KIF13B: variants seen among roughly 807,000 people sequenced by gnomAD.
KIF13B encodes kinesin family member 13B.
A neutral mutation model predicts 222.0 loss-of-function variants in KIF13B; 127 were observed. The observed-to-expected ratio is 0.57, with a 90% CI of 0.50 to 0.66. The LOEUF (loss-of-function observed/expected upper bound fraction) is 0.66, where lower values mean the gene tolerates loss of function less well. Among genes scored for constraint, KIF13B ranks in the 30% least tolerant of loss-of-function variants. KIF13B has a pLI of 0.00. For synonymous variants in KIF13B, 976 were observed against 919.0 expected, an observed-to-expected ratio of 1.06 and a Z score of -1.12; for missense variants, 2,173 against 2,379.0, an observed-to-expected ratio of 0.91 and a Z score of 1.80.
chr8:29,197,539 C>CAT (rs1410662947), intron 2 of KIF13B, among the ~76,000 whole-genome samples: 3 of 152,088 alleles, frequency 2.0e-5, no homozygotes, highest in African/African-American at 7.2e-5. Context: ...TAAATACACA[C>CAT]ATACACATAT....
At position 29,147,426 on chromosome 8, in the gene KIF13B, C is replaced by A; in HGVS notation, c.1990G>T (p.Ala664Ser). Residue 664 changes from alanine to serine, a missense_variant, in exon 17 of 40, where the codon GCT (alanine) becomes TCT (serine). Coordinates refer to ENST00000524189, the MANE Select transcript of KIF13B (RefSeq NM_015254.4). The part of the protein sequence containing the change: ...MDRFSFHSPS[A>S]QQRLRQWAEE... ...GCCCACTGTCTTAAGCGTTGCTGAGCGCTGGGCGAGTGGAAAGAAAACCTG... is the reference window on the plus strand; with the variant it reads ...GCCCACTGTCTTAAGCGTTGCTGAGAGCTGGGCGAGTGGAAAGAAAACCTG... The A allele has an allele frequency of 1.2e-6, 2 of 1,610,116 alleles. No individual in the cohort carries two copies. The highest frequency in any genetic ancestry group is 1.7e-6 in the Non-Finnish European group (2 of 1,178,284).
intron 37 of KIF13B, among the ~76,000 whole-genome samples, chr8:29,083,960 G>A (rs1292979580): frequency 6.6e-6 from 1 of 152,168 alleles, no homozygotes; most frequent in East Asian, 1.9e-4. Context: ...TGTCACCCAG[G>A]CTGGAGTGTG....
rs1810147349 is a variant in KIF13B at position 29,127,125 on chromosome 8, G to A, written c.3219C>T (p.Phe1073=). 1 of 1,613,308 alleles carries A rather than the reference G, an allele frequency of 6.2e-7. No homozygotes were observed. The highest frequency in any genetic ancestry group is 1.3e-5 in the African/African-American group (1 of 74,892). Residue 1073 remains phenylalanine (F), a synonymous_variant, in exon 25 of 40, where the codon TTC becomes TTT. Coordinates refer to ENST00000524189, the MANE Select transcript of KIF13B (RefSeq NM_015254.4). ...PLRAPRTHET[F]HEEEEDMDSY... ...CATAACAGGTATAGAAACTTACATG[G>A]AAGGTCTCATGTGTTCTGGGGGCTC...
intron 16 of KIF13B, among the ~76,000 whole-genome samples, chr8:29,148,331 C>G (rs767306369): frequency 2.6e-5 from 4 of 151,476 alleles, no homozygotes; most frequent in Non-Finnish European, 4.4e-5. Flanking sequence ...CAGAGAATAG[C>G]AACATAAAGA....
chr8:29,143,840 C>G (rs888534433), intron 18 of KIF13B, among the ~76,000 whole-genome samples: 7 of 151,186 alleles, frequency 4.6e-5, no homozygotes. Context: ...AAGACTCTGT[C>G]TCAAAAAAAA....
At chr8:29,155,075 T>C (rs1811458654) in intron 14 of KIF13B, among the ~76,000 whole-genome samples, 1 of 152,080 alleles carries the variant, frequency 6.6e-6, no homozygotes, top group South Asian at 2.1e-4. Context: ...GTGCCATTCA[T>C]AAAATTTGGA....
chr8:29,094,581 T>G (rs1030601546), intron 36 of KIF13B, among the ~76,000 whole-genome samples: 5 of 152,210 alleles, frequency 3.3e-5, no homozygotes, highest in African/African-American at 1.2e-4. Flanking sequence ...GGGAATTAAC[T>G]GGAGTCATGT....
At chr8:29,150,766 C>T (rs924940896) in intron 14 of KIF13B, among the ~76,000 whole-genome samples, 1 of 152,244 alleles carries the variant, frequency 6.6e-6, no homozygotes, top group Non-Finnish European at 1.5e-5. Flanking sequence ...TTTGGAACAT[C>T]GTGAACTGCA....
At chr8:29,229,501 T>C (rs1198605322) in intron 2 of KIF13B, among the ~76,000 whole-genome samples, 7 of 152,224 alleles carry the variant, frequency 4.6e-5, no homozygotes, top group Admixed American at 2.6e-4. Flanking sequence ...TCTAACACAA[T>C]ATAAACAATA....
At position 29,070,668 on chromosome 8, in the gene KIF13B, G is replaced by A; in HGVS notation, c.5317C>T (p.Pro1773Ser). The A allele has an allele frequency of 6.4e-7, 1 of 1,561,488 alleles. No homozygotes were observed. Among genetic ancestry groups the A allele is most frequent in the Non-Finnish European group, 8.7e-7 (1 of 1,153,182 alleles). The change falls in exon 40 of 40, where the codon CCT becomes TCT. Residue 1773 changes from proline (P) to serine (S), a missense_variant. By Grantham distance (74) the Pro-to-Ser change is moderately conservative. Coordinates refer to ENST00000524189, the MANE Select transcript of KIF13B (RefSeq NM_015254.4). This position sits in a 1 kb window ranked among gnomAD's most constrained non-coding sequence, Gnocchi z 4.1. Reference sequence around the variant, plus strand: ...AGTCCTGTGCTGCGCCGCCGCACAGGGCCCGTGGCCCTGCGGACCCGGCTG... The same window carrying A: ...AGTCCTGTGCTGCGCCGCCGCACAGAGCCCGTGGCCCTGCGGACCCGGCTG... ...RPSRVRRATG[P>S]VRRRSTGLRL...
chr8:29,248,716 A>G (rs150611271), intron 1 of KIF13B, among the ~76,000 whole-genome samples: 2 of 152,312 alleles, frequency 1.3e-5, no homozygotes, highest in Non-Finnish European at 2.9e-5. Flanking sequence ...ACACAGCCAA[A>G]CTATATCAAG....
rs1171344593 is a variant in KIF13B, at chr8:29,072,180, G to A, written c.4658C>T (p.Ala1553Val). ...AVTAVTPAPE[A>V]QDGPPSPLSE... ...CAGGGGGCTGGGGGGCCCGTCCTGTGCCTCCGGAGCCGGGGTGACCGCTGT... is the reference window on the plus strand; with the variant it reads ...CAGGGGGCTGGGGGGCCCGTCCTGTACCTCCGGAGCCGGGGTGACCGCTGT... The change falls in exon 39 of 40, where the codon GCA (alanine) becomes GTA (valine). Residue 1553 changes from alanine to valine, a missense_variant. Physicochemically the swap from Ala to Val is moderately conservative, Grantham distance 64. This residue lies in a region of KIF13B where 693 missense variants were observed against 656.2 expected (regional missense o/e 1.06). Coordinates refer to ENST00000524189, the MANE Select transcript of KIF13B (RefSeq NM_015254.4). The A allele has an allele frequency of 1.4e-6, 2 of 1,435,988 alleles. No homozygotes were observed. Among genetic ancestry groups the A allele is most frequent in the Non-Finnish European group, 9.1e-7 (1 of 1,094,998 alleles). 89.0% of individuals were successfully genotyped at this position (1,435,988 alleles called of 1,614,324 possible). A position where few individuals can be genotyped will look rare whatever the true frequency, so the allele number is the denominator to read the frequency against.
At chr8:29,162,612 A>T (rs1811829891) in intron 12 of KIF13B, among the ~76,000 whole-genome samples, 1 of 152,198 alleles carries the variant, frequency 6.6e-6, no homozygotes, top group South Asian at 2.1e-4. Context: ...TTCCCTGTGC[A>T]TATTTCTGTC....
chr8:29,250,222 T>G (rs1337784269), intron 1 of KIF13B: 3 of 374,972 alleles, frequency 8.0e-6, no homozygotes, highest in Non-Finnish European at 1.6e-5. Context: ...TCATACAGAA[T>G]ACATCTAGAA....
At chr8:29,177,388 T>C (rs1411810479) in intron 9 of KIF13B, 78 bp downstream of exon 9, 1 of 1,055,020 alleles carries the variant, frequency 9.5e-7, no homozygotes, top group Non-Finnish European at 1.5e-6. Flanking sequence ...ATCACCTTAA[T>C]ATTTTAATAA....
chr8:29,147,038 A>G (rs1811089458), intron 17 of KIF13B, among the ~76,000 whole-genome samples: 1 of 152,236 alleles, frequency 6.6e-6, no homozygotes, highest in South Asian at 2.1e-4. Context: ...TGCTTTACCT[A>G]CCTGAGCTAA....
chr8:29,150,386 G>GT lies in KIF13B; in HGVS notation c.1536-4dup, dbSNP rs760629430. 2 of 1,501,288 alleles carry GT rather than the reference G, an allele frequency of 1.3e-6. No homozygotes were observed. The highest frequency in any genetic ancestry group is 2.3e-5 in the South Asian group (2 of 85,918). 93.0% of individuals were successfully genotyped at this position (1,501,288 alleles called of 1,614,324 possible). A position where few individuals can be genotyped will look rare whatever the true frequency, so the allele number is the denominator to read the frequency against. On this transcript the variant is annotated splice_polypyrimidine_tract_variant and splice_region_variant and intron_variant, in intron 14 of 39. Transcript: ENST00000524189. ...CAGATGACCCATTTACAAATGTTCTGTAAGGAGAAGAGATCAAACGTGAAT... is the reference window on the plus strand; with the variant it reads ...CAGATGACCCATTTACAAATGTTCTGTTAAGGAGAAGAGATCAAACGTGAAT...
At chr8:29,182,326 G>A (rs918729632) in intron 6 of KIF13B, among the ~76,000 whole-genome samples, 24 of 152,170 alleles carry the variant, frequency 1.6e-4, no homozygotes, top group African/African-American at 5.8e-4. Flanking sequence ...CAGAAACTCA[G>A]TAAATGTTAA....
Position 29,191,013 on chromosome 8 carries a change from G to C in KIF13B, c.207C>G (p.Val69=), listed in dbSNP as rs775182562. 1.2e-6 allele frequency: 2 copies of C among 1,612,702 alleles called. No individual in the cohort carries two copies. The highest frequency in any genetic ancestry group is 1.7e-5 in the Admixed American group (1 of 59,956). The change falls in exon 4 of 40, where the codon GTC becomes GTG. Residue 69 remains valine, a synonymous_variant. Transcript: ENST00000524189. ...TTCTATTACCTGCATACTTTTCTTT[G>C]ACAGATTCATCCATAGACCAGAAAC... ...DHCFWSMDES[V]KEKYAGQDIV...
Sources: gnomAD v4.1 joint callset for allele counts (sites outside exome capture counted in the v4.1 genomes callset) on GRCh38, gnomAD v4.1.1 for gene constraint, gnomAD v4.1.1 regional missense constraint, Gnocchi (gnomAD v3.1) non-coding constraint, MANE v1.5 for transcripts, NCBI Gene and HGNC (gene_info 2026-07-23, HGNC 2026-07-21) for gene names.